Variants in RYR2 observed in about 807,000 individuals in gnomAD.
RYR2 encodes cardiac muscle ryanodine receptor-calcium release channel.
Under a neutral mutation model 601.1 loss-of-function variants are expected in RYR2, and 227 were observed. The ratio of observed to expected loss-of-function variants is 0.38; its 90% CI spans 0.34 to 0.42. The LOEUF (loss-of-function observed/expected upper bound fraction) is 0.42. Among genes scored for constraint, RYR2 ranks in the 10% least tolerant of loss-of-function variants. The pLI is 1.00. For synonymous variants in RYR2, 2,223 were observed against 2,175.1 expected, an observed-to-expected ratio of 1.02 and a Z score of -0.61; for missense variants, 4,646 against 6,156.5, an observed-to-expected ratio of 0.75 and a Z score of 8.21.
intron 2 of RYR2, among the ~76,000 whole-genome samples, chr1:237,324,681 C>T (rs73127288): frequency 0.05 from 7,552 of 152,188 alleles, 460 homozygotes; most frequent in African/African-American, 0.14. Flanking sequence ...ACTTCATAGG[C>T]AGGGAAGCTC....
intron 1 of RYR2, among the ~76,000 whole-genome samples, chr1:237,104,552 T>C (rs1668461129): frequency 1.3e-5 from 2 of 152,236 alleles, no homozygotes; most frequent in Non-Finnish European, 1.5e-5. Flanking sequence ...TATGTGGCTT[T>C]GCAGGTGCTG....
At chr1:237,548,292 T>C (rs1670028359) in intron 25 of RYR2, 139 bp from the exon 26 acceptor site, 3 of 758,940 alleles carry the variant, frequency 4.0e-6, no homozygotes, top group Non-Finnish European at 6.3e-6. Flanking sequence ...GAACCTAGGC[T>C]TGCTGTCTGG....
At chr1:237,361,770 CT>C (rs1699799688) in intron 4 of RYR2, among the ~76,000 whole-genome samples, 1 of 152,140 alleles carries the variant, frequency 6.6e-6, no homozygotes, top group South Asian at 2.1e-4. Flanking sequence ...AATAGAGGAG[CT>C]TTGCTACATT....
At chr1:237,309,438 C>T (rs533805860) in intron 2 of RYR2, among the ~76,000 whole-genome samples, 198 of 152,270 alleles carry the variant, frequency 1.3e-3, no homozygotes, top group Non-Finnish European at 2.0e-3. Context: ...TAGCTAGATA[C>T]GGAGCACTGA....
intron 76 of RYR2, among the ~76,000 whole-genome samples, chr1:237,729,115 T>C (rs796600510): frequency 6.6e-6 from 1 of 152,134 alleles, no homozygotes; most frequent in Admixed American, 6.5e-5. Context: ...TTGCCTCATA[T>C]CAAGTTGATG....
At chr1:237,096,548 T>C (rs1667526042) in intron 1 of RYR2, among the ~76,000 whole-genome samples, 1 of 152,180 alleles carries the variant, frequency 6.6e-6, no homozygotes. Context: ...GCAATATACA[T>C]TGGTATATAT....
At chr1:237,088,610 C>A (rs1460605108) in intron 1 of RYR2, among the ~76,000 whole-genome samples, 2 of 152,154 alleles carry the variant, frequency 1.3e-5, no homozygotes, top group Non-Finnish European at 2.9e-5. Context: ...ATTTATCATT[C>A]TTCCATGTTT....
chr1:237,114,138 G>C (rs1004331853), intron 1 of RYR2, among the ~76,000 whole-genome samples: 1 of 152,174 alleles, frequency 6.6e-6, no homozygotes, highest in Non-Finnish European at 1.5e-5. Context: ...CCATATGGAA[G>C]TGATTTTTTC....
In RYR2 at chr1:237,110,489, C is replaced by T. The variant is rs189418986; in HGVS notation, c.48+67920C>T. Among the ~76,000 whole-genome samples the T allele has an allele frequency of 3.0e-4, 43 of 144,424 alleles. No homozygotes were observed. The South Asian group carries it at 6.7e-3, about 23-fold the overall frequency. The allele number at this position is 144,424 out of a possible 152,430, so 94.7% of individuals were successfully genotyped here. A position where few individuals can be genotyped will look rare whatever the true frequency, so the allele number is the denominator to read the frequency against. On this transcript the variant is annotated intron_variant, in intron 1 of 104. Coordinates refer to ENST00000366574, the MANE Select transcript of RYR2 (RefSeq NM_001035.3). Reference sequence around the variant, plus strand: ...GTCCATGTGTTCTCATTGTTCAATTCCCACCTATGAGTGAGAACATGCGGT... The same window carrying T: ...GTCCATGTGTTCTCATTGTTCAATTTCCACCTATGAGTGAGAACATGCGGT...
chr1:237,325,834 A>G (rs1363168653), intron 2 of RYR2, among the ~76,000 whole-genome samples: 1 of 152,110 alleles, frequency 6.6e-6, no homozygotes, highest in Non-Finnish European at 1.5e-5. Context: ...CTACAAGGAG[A>G]TGTTTTTATG....
intron 81 of RYR2, 50 bp from the exon 82 acceptor site, chr1:237,757,647 A>C (rs766281826): frequency 8.4e-7 from 1 of 1,188,764 alleles, no homozygotes; most frequent in Non-Finnish European, 1.3e-6. Flanking sequence ...GAATAGGTTA[A>C]TATAGAAGGC....
chr1:237,463,124 G>A (rs757491803), intron 16 of RYR2, among the ~76,000 whole-genome samples: 2 of 152,044 alleles, frequency 1.3e-5, no homozygotes, highest in Non-Finnish European at 2.9e-5. Flanking sequence ...AGGCTTAGGA[G>A]CATCTACTTG....
At chr1:237,296,822 A>C (rs1200735148) in intron 2 of RYR2, among the ~76,000 whole-genome samples, 1 of 152,224 alleles carries the variant, frequency 6.6e-6, no homozygotes, top group Admixed American at 6.5e-5. Flanking sequence ...CCTGCAAAGC[A>C]GACACTTTTT....
At chr1:237,186,946 C>T (rs60203317) in intron 1 of RYR2, among the ~76,000 whole-genome samples, 6,385 of 152,242 alleles carry the variant, frequency 0.042, 428 homozygotes, top group African/African-American at 0.14. Flanking sequence ...CCTTCCACTG[C>T]GGCTTTTTGA....
chr1:237,359,965 A>G (rs1025407532), intron 4 of RYR2, among the ~76,000 whole-genome samples: 4 of 152,234 alleles, frequency 2.6e-5, no homozygotes, highest in African/African-American at 9.6e-5. Flanking sequence ...ATTGTTGTCT[A>G]TGAAGCATTG....
At chr1:237,181,388 C>T (rs1678742484) in intron 1 of RYR2, among the ~76,000 whole-genome samples, 1 of 152,128 alleles carries the variant, frequency 6.6e-6, no homozygotes, top group Non-Finnish European at 1.5e-5. Flanking sequence ...AAGTTCTTTA[C>T]TCAAGGTCAA....
chr1:237,166,302 AC>A (rs11341834), intron 1 of RYR2, among the ~76,000 whole-genome samples: 2,140 of 152,342 alleles, frequency 0.014, 53 homozygotes, highest in African/African-American at 0.048. Context: ...ATTAGACAGC[AC>A]CAGCAATAAA....
At position 237,278,014 on chromosome 1, in the gene RYR2, T is replaced by C. The variant is rs371202198; in HGVS notation, c.168+7398T>C. On this transcript the variant is annotated intron_variant, in intron 2 of 104. Coordinates refer to ENST00000366574, the MANE Select transcript of RYR2 (RefSeq NM_001035.3). The stretch of plus-strand genomic sequence containing the variant: ...ATATGTGTGTTACATCAGTAAATTT[T>C]TGAGGATCATAGATTTGAAGTGCTG... Among the ~76,000 whole-genome samples, 10 of 152,234 alleles carry C rather than the reference T, an allele frequency of 6.6e-5. No homozygotes were observed. In the South Asian group the frequency reaches 1.9e-3, roughly 28 times the overall value.
chr1:237,275,954 A>C (rs569774714), intron 2 of RYR2, among the ~76,000 whole-genome samples: 5 of 152,340 alleles, frequency 3.3e-5, no homozygotes, highest in African/African-American at 7.2e-5. Flanking sequence ...GTACACTATT[A>C]ATTAAATCTT....
Sources: allele counts gnomAD v4.1 joint callset (sites outside exome capture counted in the v4.1 genomes callset), GRCh38; gene constraint gnomAD v4.1.1; transcripts MANE v1.5; gene names NCBI Gene and HGNC (gene_info 2026-07-23, HGNC 2026-07-21).